The following DHRS12 variants were observed in gnomAD, a reference collection of about 807,000 sequenced individuals.
DHRS12 encodes the protein dehydrogenase/reductase 12, also known as dehydrogenase/reductase SDR family member 12.
In DHRS12, 29 loss-of-function variants were observed where a neutral mutation model predicts 32.1. That is an observed-to-expected ratio of 0.90 (90% CI 0.67 to 1.23). The LOEUF is 1.23. Ranked by LOEUF, DHRS12 falls within the 50% of genes most tolerant of loss-of-function variation. The pLI, the probability that DHRS12 is intolerant of heterozygous loss-of-function variation, is 0.00. For missense variants in DHRS12, 330 were observed against 337.2 expected (o/e 0.98, Z 0.17); for synonymous variants, 150 against 135.9 (o/e 1.10, Z -0.72).
At chr13:51,768,549 G>A in intron 8 of DHRS12, 1 of 1,357,606 alleles carries the variant, frequency 7.4e-7, no homozygotes, top group Non-Finnish European at 9.5e-7. Context: ...TCAGCAGGAA[G>A]GGGTGCGGCC....
intron 4 of DHRS12, among the ~76,000 whole-genome samples, chr13:51,789,179 A>C (rs535744871): frequency 1.2e-3 from 181 of 152,326 alleles, no homozygotes; most frequent in African/African-American, 4.1e-3. Context: ...TGACTCCAAC[A>C]ACCACCAAAA....
intron 7 of DHRS12, chr13:51,771,513 A>G (rs1954014171): frequency 6.2e-7 from 1 of 1,613,434 alleles, no homozygotes; most frequent in Non-Finnish European, 8.5e-7. Flanking sequence ...GGAAATGACA[A>G]TGGTCACCGG....
rs1028776125 is a variant in DHRS12 at position 51,799,498 on chromosome 13, G to A, written c.126+36C>T. On this transcript the variant is annotated intron_variant, in intron 2 of 8. Transcript: ENST00000444610. ...TGTGGACCGGCCGCAGTCTGGCCGT[G>A]GGGCTCAGTGGACACACGTGTTAGC... 9.9e-6 allele frequency: 16 copies of A among 1,610,564 alleles called. No individual in the cohort carries two copies. The Admixed American group carries it at 1.7e-4, about 17-fold the overall frequency.
intron 4 of DHRS12, among the ~76,000 whole-genome samples, chr13:51,780,575 A>G (rs1954659883): frequency 6.6e-6 from 1 of 152,246 alleles, no homozygotes; most frequent in African/African-American, 2.4e-5. Flanking sequence ...ATGGCGGTTC[A>G]TTACGAGAAA....
intron 7 of DHRS12, chr13:51,771,366 T>TA (rs1954004087): frequency 5.0e-6 from 8 of 1,613,642 alleles, no homozygotes; most frequent in Non-Finnish European, 6.8e-6. Flanking sequence ...CCAACACGCT[T>TA]CCAGATCATT....
intron 4 of DHRS12, among the ~76,000 whole-genome samples, chr13:51,779,538 G>A (rs1024390016): frequency 6.6e-6 from 1 of 152,208 alleles, no homozygotes; most frequent in Non-Finnish European, 1.5e-5. Flanking sequence ...GAGGACAGGT[G>A]ACTCAGTGGC....
intron 4 of DHRS12, among the ~76,000 whole-genome samples, chr13:51,781,313 T>C (rs1593530701): frequency 6.6e-6 from 1 of 152,298 alleles, no homozygotes; most frequent in East Asian, 1.9e-4. Flanking sequence ...GAGTCAGGCC[T>C]ATCCCCTTTG....
chr13:51,771,290 C>T, intron 7 of DHRS12: 1 of 1,560,090 alleles, frequency 6.4e-7, no homozygotes, highest in South Asian at 1.2e-5. Flanking sequence ...CCCAGGTGAG[C>T]TGCCTGAGGT....
At chr13:51,775,865 C>CCTACATGTATT (rs1566280510) in intron 5 of DHRS12, 13 of 64,358 alleles carry the variant, frequency 2.0e-4, no homozygotes, top group African/African-American at 6.9e-4. Flanking sequence ...ACAGTATTCT[C>CCTACATGTATT]CTACAGTATT....
intron 7 of DHRS12, chr13:51,771,225 GGCT>G (rs755222453): frequency 6.4e-6 from 10 of 1,551,446 alleles, no homozygotes; most frequent in Middle Eastern, 1.7e-4. Flanking sequence ...TGTGTGCTGT[GGCT>G]GCTGCTGCTT....
chr13:51,755,138 T>C, the DHRS12 span, among the ~76,000 whole-genome samples: 1 of 152,206 alleles, frequency 6.6e-6, no homozygotes, highest in African/African-American at 2.4e-5. Context: ...TTAATCATAT[T>C]TTCATGATGG....
chr13:51,762,925 T>C, the DHRS12 span: 1 of 152,212 alleles, frequency 6.6e-6, no homozygotes, highest in East Asian at 1.9e-4. Context: ...ACTGCCTGAG[T>C]GTATCTTCAC....
chr13:51,757,372 A>C, the DHRS12 span, among the ~76,000 whole-genome samples: 68 of 152,188 alleles, frequency 4.5e-4, no homozygotes, highest in Non-Finnish European at 9.4e-4. Context: ...AGGGACTTAC[A>C]GTTAAGCCTA....
At chr13:51,792,106 T>C (rs1439951349) in intron 2 of DHRS12, among the ~76,000 whole-genome samples, 3 of 152,178 alleles carry the variant, frequency 2.0e-5, no homozygotes, top group Admixed American at 6.5e-5. Flanking sequence ...TTCCCTTGGA[T>C]AAGTACCCAG....
Position 51,804,104 on chromosome 13 carries a change from G to A in DHRS12, c.-59C>T. The stretch of plus-strand genomic sequence containing the variant: ...CGAACCACACGACGCTGCGGTACAG[G>A]GACATGCCGGGAGCGCCCCACGCCT... On this transcript the variant is annotated 5_prime_UTR_variant, in exon 1 of 9. Transcript: ENST00000444610. 6.7e-7 allele frequency: 1 copy of A among 1,490,048 alleles called. No individual in the cohort carries two copies. The highest frequency in any genetic ancestry group is 8.9e-7 in the Non-Finnish European group (1 of 1,126,206). The allele number at this position is 1,490,048 out of a possible 1,614,324, so 92.3% of individuals were successfully genotyped here.
At chr13:51,759,254 T>G in the DHRS12 span, among the ~76,000 whole-genome samples, 1 of 152,228 alleles carries the variant, frequency 6.6e-6, no homozygotes. Flanking sequence ...CGAGGTATCT[T>G]GTAAAATGGT....
chr13:51,785,867 A>G (rs757022901), intron 4 of DHRS12, among the ~76,000 whole-genome samples: 1 of 152,252 alleles, frequency 6.6e-6, no homozygotes, highest in Non-Finnish European at 1.5e-5. Context: ...GAAGTGAGTC[A>G]CAGACTGGTT....
chr13:51,770,917 A>T, intron 7 of DHRS12: 3 of 1,230,534 alleles, frequency 2.4e-6, no homozygotes, highest in Non-Finnish European at 3.1e-6. Context: ...TCCTACCACC[A>T]GCACTGTGAT....
chr13:51,762,085 T>G, the DHRS12 span: 1 of 152,248 alleles, frequency 6.6e-6, no homozygotes, highest in East Asian at 1.9e-4. Flanking sequence ...CTAAGTTGTA[T>G]GTAATATAGG....
Sources: allele counts gnomAD v4.1 joint callset (sites outside exome capture counted in the v4.1 genomes callset), GRCh38; gene constraint gnomAD v4.1.1; transcripts MANE v1.5; gene names NCBI Gene and HGNC (gene_info 2026-07-23, HGNC 2026-07-21).